CAPS2: variants seen among roughly 807,000 people sequenced by gnomAD.
CAPS2 encodes calcyphosine 2.
CAPS2 carries 98 observed loss-of-function variants against 86.5 expected under a neutral mutation model. That is an observed-to-expected ratio of 1.13 (90% confidence interval 0.96 to 1.34). CAPS2 has a LOEUF of 1.34. CAPS2 is among the 40% of genes most tolerant of loss of function. CAPS2 has a pLI of 0.00. For synonymous variants in CAPS2, 210 were observed against 225.1 expected, an observed-to-expected ratio of 0.93 and a Z score of 0.60; for missense variants, 729 against 686.8, an observed-to-expected ratio of 1.06 and a Z score of -0.69.
rs1045699233 is a variant in CAPS2, at chr12:75,306,602, T to C, written c.660-1726A>G. Among the ~76,000 whole-genome samples the C allele has an allele frequency of 2.6e-5, 4 of 152,344 alleles. No homozygotes were observed. In the South Asian group the frequency reaches 6.2e-4, roughly 24 times the overall value. ...CGCTTTCGCTTTCGTGCTACCTTTC[T>C]TGGATTTTTGTCCCAGAGACGTGCT... On this transcript the variant is annotated intron_variant, in intron 7 of 16. Coordinates refer to ENST00000393284, the Ensembl canonical transcript of CAPS2.
intron 14 of CAPS2, among the ~76,000 whole-genome samples, chr12:75,288,151 T>C (rs1374786480): frequency 6.6e-6 from 1 of 152,224 alleles, no homozygotes; most frequent in Non-Finnish European, 1.5e-5. Context: ...GGCTTTCTAA[T>C]TTCCTATTGC....
exon 15 of CAPS2, chr12:75,284,961 C>A: frequency 6.3e-7 from 1 of 1,595,926 alleles, no homozygotes. Context: ...ACAAAGTTAC[C>A]TTTCGAACAT....
At chr12:75,317,343 C>T (rs576209980) in intron 5 of CAPS2, among the ~76,000 whole-genome samples, 24 of 152,154 alleles carry the variant, frequency 1.6e-4, no homozygotes, top group Middle Eastern at 3.4e-3. Flanking sequence ...TATTTATTTA[C>T]CCACTAATAT....
At chr12:75,337,584 TA>T (rs1273100288) in intron 1 of CAPS2, among the ~76,000 whole-genome samples, 1 of 152,020 alleles carries the variant, frequency 6.6e-6, no homozygotes, top group Non-Finnish European at 1.5e-5. Context: ...TACTAGTGAA[TA>T]AGTGCATAAA....
chr12:75,319,991 T>C (rs1037318071), intron 5 of CAPS2, among the ~76,000 whole-genome samples: 4 of 152,064 alleles, frequency 2.6e-5, no homozygotes, highest in African/African-American at 9.7e-5. Flanking sequence ...ATACAGAGAA[T>C]CTACAGAAAT....
exon 17 of CAPS2, chr12:75,277,585 T>G: frequency 1.0e-6 from 1 of 976,096 alleles, no homozygotes; most frequent in Non-Finnish European, 1.2e-6. Context: ...ATATTTTCCC[T>G]CTCATGTTTT....
chr12:75,316,368 G>C (rs2138894635), exon 6 of CAPS2: 1 of 1,550,992 alleles, frequency 6.4e-7, no homozygotes, highest in Non-Finnish European at 8.7e-7. Context: ...GCATAACCTT[G>C]CTGTAAGATG....
chr12:75,333,991 A>G (rs2041530838), upstream of CAPS2: 1 of 152,224 alleles, frequency 6.6e-6, no homozygotes. Context: ...TCCCAGTCTC[A>G]GTGTATCAAT....
chr12:75,350,828 G>C (rs1369661981), intron 1 of CAPS2, among the ~76,000 whole-genome samples: 1 of 152,030 alleles, frequency 6.6e-6, no homozygotes, highest in Admixed American at 6.6e-5. Context: ...CAAGGGCACA[G>C]AACTGGGATG....
chr12:75,339,718 T>G (rs906247112), intron 1 of CAPS2, among the ~76,000 whole-genome samples: 20 of 152,318 alleles, frequency 1.3e-4, no homozygotes, highest in East Asian at 9.6e-4. Context: ...TTTATGATTT[T>G]GGGTTTTACA....
At chr12:75,323,262 T>C (rs2040468183) in intron 2 of CAPS2, 40 bp from the exon 4 acceptor site, 2 of 1,478,230 alleles carry the variant, frequency 1.4e-6, no homozygotes, top group Middle Eastern at 2.4e-4. Context: ...CTTTTTAACA[T>C]GAAACTTTAA....
intron 13 of CAPS2, among the ~76,000 whole-genome samples, chr12:75,290,294 A>G (rs2035611845): frequency 6.6e-6 from 1 of 152,288 alleles, no homozygotes; most frequent in East Asian, 1.9e-4. Context: ...TCTATCCTAT[A>G]CTTATATATT....
chr12:75,328,178 C>T (rs1353700234), upstream of CAPS2, among the ~76,000 whole-genome samples: 1 of 152,018 alleles, frequency 6.6e-6, no homozygotes, highest in East Asian at 1.9e-4. Flanking sequence ...TTTTGGAGGC[C>T]AGGGTTGGGT....
intron 5 of CAPS2, among the ~76,000 whole-genome samples, chr12:75,319,170 G>C (rs2040066086): frequency 6.6e-6 from 1 of 152,106 alleles, no homozygotes; most frequent in African/African-American, 2.4e-5. Flanking sequence ...ACCTTTTATA[G>C]TAAGTGGAAG....
chr12:75,277,039 A>G, downstream of CAPS2: 1 of 984,780 alleles, frequency 1.0e-6, no homozygotes, highest in Non-Finnish European at 1.2e-6. Flanking sequence ...CAAATCCAAA[A>G]GCAGAATGAT....
intron 7 of CAPS2, among the ~76,000 whole-genome samples, chr12:75,310,462 A>G (rs1477043070): frequency 6.6e-6 from 1 of 152,196 alleles, no homozygotes; most frequent in Non-Finnish European, 1.5e-5. Context: ...TAAGACAGGA[A>G]TGGAACCTGG....
intron 1 of CAPS2, among the ~76,000 whole-genome samples, chr12:75,351,999 G>C (rs1190658903): frequency 6.6e-6 from 1 of 152,138 alleles, no homozygotes. Context: ...AAGAGCTCCT[G>C]AAGGAAGCAC....
At chr12:75,296,297 CTT>C (rs956853752) in intron 11 of CAPS2, among the ~76,000 whole-genome samples, 3 of 144,578 alleles carry the variant, frequency 2.1e-5, no homozygotes, top group Non-Finnish European at 1.5e-5. Context: ...TGTGGGTACA[CTT>C]TTTTTTTTTT....
chr12:75,336,497 G>C (rs1319078451), intron 1 of CAPS2, among the ~76,000 whole-genome samples: 1 of 151,614 alleles, frequency 6.6e-6, no homozygotes, highest in Admixed American at 6.6e-5. Context: ...CTAAAATTAA[G>C]ATAGAATAGC....
Sources: gnomAD v4.1 joint callset for allele counts (sites outside exome capture counted in the v4.1 genomes callset) on GRCh38, gnomAD v4.1.1 for gene constraint, MANE v1.5 for transcripts, NCBI Gene and HGNC (gene_info 2026-07-23, HGNC 2026-07-21) for gene names.